The following PRELID2 variants were observed in gnomAD, a reference collection of about 807,000 sequenced individuals.
The protein encoded by PRELID2 is PRELI domain containing 2.
PRELID2 carries 25 observed loss-of-function variants against 28.4 expected under a neutral mutation model. That is an observed-to-expected ratio of 0.88 (90% confidence interval 0.64 to 1.23). The LOEUF is 1.23. PRELID2 is among the 50% of genes most tolerant of loss of function. PRELID2 has a pLI of 0.00. For synonymous variants in PRELID2, 76 were observed against 71.6 expected (o/e 1.06, Z -0.31); for missense variants, 201 against 214.4 (o/e 0.94, Z 0.39).
chr5:145,273,638 CTA>C, the PRELID2 span, among the ~76,000 whole-genome samples: 1 of 152,232 alleles, frequency 6.6e-6, no homozygotes, highest in African/African-American at 2.4e-5. Flanking sequence ...AGAAAATAGC[CTA>C]TGTTTTTGTC....
chr5:145,582,238 A>G (rs1021666220), intron 1 of PRELID2, among the ~76,000 whole-genome samples: 1 of 152,086 alleles, frequency 6.6e-6, no homozygotes, highest in Non-Finnish European at 1.5e-5. Flanking sequence ...TGGATAATTT[A>G]TAAAGAAAAG....
the PRELID2 span, among the ~76,000 whole-genome samples, chr5:145,407,093 G>A: frequency 6.6e-6 from 1 of 152,172 alleles, no homozygotes; most frequent in African/African-American, 2.4e-5. Context: ...AGCCAGGATT[G>A]GGGAGCAAAT....
At chr5:145,711,340 A>G (rs901660186) in intron 1 of PRELID2, among the ~76,000 whole-genome samples, 1 of 152,188 alleles carries the variant, frequency 6.6e-6, no homozygotes, top group African/African-American at 2.4e-5. Flanking sequence ...CAGAAGAACC[A>G]AAGTCCAGAA....
the PRELID2 span, among the ~76,000 whole-genome samples, chr5:145,234,320 GTAT>G: frequency 1.3e-5 from 2 of 152,086 alleles, no homozygotes; most frequent in Admixed American, 6.6e-5. Flanking sequence ...CATGAGATAG[GTAT>G]TATTATTTAT....
At chr5:145,369,138 A>G in the PRELID2 span, among the ~76,000 whole-genome samples, 10 of 152,064 alleles carry the variant, frequency 6.6e-5, no homozygotes, top group East Asian at 1.5e-3. Flanking sequence ...CCTGTAATGA[A>G]CATGATTTTG....
the PRELID2 span, among the ~76,000 whole-genome samples, chr5:145,406,820 C>T: frequency 6.6e-6 from 1 of 152,164 alleles, no homozygotes; most frequent in Non-Finnish European, 1.5e-5. Flanking sequence ...AAAATCCAGA[C>T]CACAGGAGAA....
chr5:145,579,247 G>A (rs1358099443), intron 1 of PRELID2, among the ~76,000 whole-genome samples: 2 of 152,052 alleles, frequency 1.3e-5, no homozygotes, highest in Admixed American at 6.6e-5. Flanking sequence ...TTCACTAATT[G>A]ATAATTTAGA....
intron 1 of PRELID2, among the ~76,000 whole-genome samples, chr5:145,615,582 T>C (rs1753686894): frequency 6.7e-6 from 1 of 150,218 alleles, no homozygotes; most frequent in Non-Finnish European, 1.5e-5. Flanking sequence ...CGCCTCGGCC[T>C]CCCAAAGTGC....
At chr5:145,711,693 A>G (rs1242185430) in intron 1 of PRELID2, among the ~76,000 whole-genome samples, 2 of 151,824 alleles carry the variant, frequency 1.3e-5, no homozygotes, top group Admixed American at 6.6e-5. Flanking sequence ...GAATCCCTCC[A>G]ATGCACTCCA....
intron 1 of PRELID2, among the ~76,000 whole-genome samples, chr5:145,744,248 C>A (rs923727123): frequency 6.6e-6 from 1 of 152,226 alleles, no homozygotes; most frequent in African/African-American, 2.4e-5. Flanking sequence ...TTTTCTCCTG[C>A]AGACCAGCAG....
At chr5:145,746,254 C>T (rs1304640834) in intron 1 of PRELID2, among the ~76,000 whole-genome samples, 1 of 152,128 alleles carries the variant, frequency 6.6e-6, no homozygotes, top group African/African-American at 2.4e-5. Context: ...CGTCGGCGTG[C>T]TGTATTCAGG....
At chr5:145,521,594 T>C (rs569416771) in intron 1 of PRELID2, among the ~76,000 whole-genome samples, 90 of 152,216 alleles carry the variant, frequency 5.9e-4, no homozygotes, top group Non-Finnish European at 1.0e-4. Flanking sequence ...ATATAAGGTA[T>C]ATCTGGAATG....
intron 4 of PRELID2, among the ~76,000 whole-genome samples, chr5:145,800,335 C>CACAT (rs10677473): frequency 5.0e-4 from 75 of 150,268 alleles, no homozygotes; most frequent in African/African-American, 1.7e-3. Flanking sequence ...CACACACACA[C>CACAT]GAGTTATCCC....
At chr5:145,762,434 G>C (rs761106699) in intron 6 of PRELID2, among the ~76,000 whole-genome samples, 1 of 151,906 alleles carries the variant, frequency 6.6e-6, no homozygotes, top group Non-Finnish European at 1.5e-5. Context: ...CTACTAAGGG[G>C]GCTGAGGTGT....
chr5:145,796,609 G>A (rs1752769198), intron 4 of PRELID2, 62 bp from the exon 5 acceptor site: 7 of 972,454 alleles, frequency 7.2e-6, no homozygotes, highest in Non-Finnish European at 1.1e-5. Context: ...GTAAACGACA[G>A]ACATTTCTAG....
intron 4 of PRELID2, among the ~76,000 whole-genome samples, chr5:145,812,119 G>A (rs947758026): frequency 5.9e-5 from 9 of 152,148 alleles, no homozygotes; most frequent in Non-Finnish European, 7.3e-5. Flanking sequence ...GTTCTAAGTT[G>A]ACTCAATCAC....
At chr5:145,451,513 C>T in the PRELID2 span, among the ~76,000 whole-genome samples, 16 of 152,266 alleles carry the variant, frequency 1.1e-4, no homozygotes, top group African/African-American at 2.6e-4. Context: ...AACTAGACAA[C>T]TTCAGGGCAG....
chr5:145,357,288 G>T, the PRELID2 span, among the ~76,000 whole-genome samples: 2 of 152,142 alleles, frequency 1.3e-5, no homozygotes, highest in East Asian at 3.9e-4. Flanking sequence ...GTCCTCTCTA[G>T]TGAGGTTAAA....
intron 1 of PRELID2, among the ~76,000 whole-genome samples, chr5:145,653,193 G>A (rs1754330358): frequency 6.6e-6 from 1 of 152,174 alleles, no homozygotes; most frequent in Non-Finnish European, 1.5e-5. Flanking sequence ...TCAACAAGAA[G>A]AGCTAACTAT....
Sources: allele counts gnomAD v4.1 joint callset (sites outside exome capture counted in the v4.1 genomes callset), GRCh38; gene constraint gnomAD v4.1.1; transcripts MANE v1.5; gene names NCBI Gene and HGNC (gene_info 2026-07-23, HGNC 2026-07-21).